The following MEIS2 variants were observed in gnomAD, a reference collection of about 807,000 sequenced individuals.
MEIS2 encodes the protein Meis homeobox 2, also known as homeobox protein Meis2.
In MEIS2, 9 loss-of-function variants were observed where a neutral mutation model predicts 58.6. The observed-to-expected ratio is 0.15, with a 90% CI of 0.09 to 0.27. MEIS2 has a LOEUF of 0.27. MEIS2 is among the 10% of genes least tolerant of loss of function. MEIS2 has a pLI of 1.00. For synonymous variants in MEIS2, 221 were observed against 228.4 expected, an observed-to-expected ratio of 0.97 and a Z score of 0.29; for missense variants, 427 against 635.0, an observed-to-expected ratio of 0.67 and a Z score of 3.52.
At chr15:37,029,207 T>C (rs2061819536) in intron 8 of MEIS2, among the ~76,000 whole-genome samples, 1 of 152,150 alleles carries the variant, frequency 6.6e-6, no homozygotes, top group Non-Finnish European at 1.5e-5. Context: ...TGTGGGAAGC[T>C]CTCTCTGCTG....
intron 6 of MEIS2, among the ~76,000 whole-genome samples, chr15:37,087,715 GA>G (rs1179811804): frequency 6.6e-6 from 1 of 152,096 alleles, no homozygotes; most frequent in African/African-American, 2.4e-5. Flanking sequence ...CTCTCTTGTT[GA>G]AGTTGCAGAT....
chr15:36,987,390 G>A (rs563541463), intron 8 of MEIS2, among the ~76,000 whole-genome samples: 1 of 140,212 alleles, frequency 7.1e-6, no homozygotes, highest in African/African-American at 2.6e-5. Context: ...TGTGGGCAAC[G>A]GAGCAAGACC....
chr15:36,906,937 G>A (rs896832023), intron 9 of MEIS2, among the ~76,000 whole-genome samples: 4 of 152,026 alleles, frequency 2.6e-5, no homozygotes, highest in Non-Finnish European at 5.9e-5. Flanking sequence ...GGACCAATTC[G>A]CTTTTTCTTT....
At chr15:37,093,200 C>T (rs1893760270) in intron 6 of MEIS2, among the ~76,000 whole-genome samples, 1 of 152,306 alleles carries the variant, frequency 6.6e-6, no homozygotes, top group East Asian at 1.9e-4. Context: ...CCAGACCAGT[C>T]CAGCTAACTG....
intron 8 of MEIS2, among the ~76,000 whole-genome samples, chr15:36,962,258 G>C (rs1030215113): frequency 3.9e-5 from 6 of 152,184 alleles, no homozygotes; most frequent in Admixed American, 6.5e-5. Flanking sequence ...AGCATAATGT[G>C]AATGGCATTC....
intron 8 of MEIS2, among the ~76,000 whole-genome samples, chr15:37,032,591 C>T (rs1011976112): frequency 6.6e-6 from 1 of 152,160 alleles, no homozygotes; most frequent in Non-Finnish European, 1.5e-5. Flanking sequence ...AAGGCACACA[C>T]ATTTCCAAGA....
chr15:36,908,964 A>AC (rs1567037588), intron 9 of MEIS2, among the ~76,000 whole-genome samples: 1 of 152,122 alleles, frequency 6.6e-6, no homozygotes, highest in African/African-American at 2.4e-5. Flanking sequence ...AATAATAACA[A>AC]AACAACAACA....
chr15:37,030,584 C>T (rs1009930364), intron 8 of MEIS2, among the ~76,000 whole-genome samples: 15 of 151,818 alleles, frequency 9.9e-5, no homozygotes, highest in Non-Finnish European at 1.9e-4. Context: ...CAATCCACCC[C>T]CCTTGGCCTC....
At chr15:36,984,324 ACTT>A (rs924012221) in intron 8 of MEIS2, among the ~76,000 whole-genome samples, 17 of 151,728 alleles carry the variant, frequency 1.1e-4, no homozygotes, top group African/African-American at 3.9e-4. Flanking sequence ...TCCTTCAAAT[ACTT>A]CTTCTTTATC....
intron 8 of MEIS2, among the ~76,000 whole-genome samples, chr15:36,992,476 T>C (rs754823195): frequency 1.1e-4 from 17 of 152,308 alleles, no homozygotes; most frequent in Middle Eastern, 6.8e-3. Context: ...GTGATATAAA[T>C]TGTTGAAAGA....
intron 8 of MEIS2, among the ~76,000 whole-genome samples, chr15:36,985,646 T>C (rs2060070687): frequency 6.6e-6 from 1 of 152,204 alleles, no homozygotes; most frequent in Non-Finnish European, 1.5e-5. Flanking sequence ...AAGGATTGTA[T>C]TTATTAGAAT....
chr15:37,016,815 C>T (rs2061364852), intron 8 of MEIS2, among the ~76,000 whole-genome samples: 1 of 152,102 alleles, frequency 6.6e-6, no homozygotes, highest in Non-Finnish European at 1.5e-5. Flanking sequence ...AGATGGATTT[C>T]CACCCCCTCA....
intron 2 of MEIS2, among the ~76,000 whole-genome samples, chr15:37,097,698 C>T: frequency 6.6e-6 from 1 of 152,180 alleles, no homozygotes; most frequent in East Asian, 1.9e-4. Flanking sequence ...GGAGAAGGCC[C>T]CGGCAAGATT....
intron 7 of MEIS2, among the ~76,000 whole-genome samples, chr15:37,077,642 C>T (rs1272678864): frequency 6.6e-6 from 1 of 151,964 alleles, no homozygotes; most frequent in Non-Finnish European, 1.5e-5. Context: ...TTTGCACAAC[C>T]TGTTCATGAT....
Position 36,891,952 on chromosome 15 carries a change from T to G in MEIS2, c.*221A>C, listed in dbSNP as rs567227998. On this transcript the variant is annotated 3_prime_UTR_variant, in exon 12 of 12. Coordinates refer to ENST00000561208, the MANE Select transcript of MEIS2 (RefSeq NM_170675.5). ...GTAGTTATAACTCTCGGAGTCTTTTTCCAGAGGATCTTTACATGGACAGAA... is the reference window on the plus strand; with the variant it reads ...GTAGTTATAACTCTCGGAGTCTTTTGCCAGAGGATCTTTACATGGACAGAA... 1.7e-6 allele frequency: 1 copy of G among 592,182 alleles called. No homozygotes were observed. Among genetic ancestry groups the G allele is most frequent in the Non-Finnish European group, 3.0e-6 (1 of 336,508 alleles). The allele number at this position is 592,182 out of a possible 1,614,324, so 36.7% of individuals were successfully genotyped here.
At chr15:36,925,256 C>A (rs1274304184) in intron 9 of MEIS2, among the ~76,000 whole-genome samples, 3 of 152,182 alleles carry the variant, frequency 2.0e-5, no homozygotes, top group Non-Finnish European at 4.4e-5. Context: ...GCACTTGACT[C>A]CCAGCCTCAG....
chr15:37,069,255 T>G (rs1890360452), intron 7 of MEIS2, among the ~76,000 whole-genome samples: 1 of 152,160 alleles, frequency 6.6e-6, no homozygotes, highest in African/African-American at 2.4e-5. Context: ...AAATTCTGTT[T>G]CTACTCTCAG....
chr15:37,006,497 A>C (rs1429547949), intron 8 of MEIS2, among the ~76,000 whole-genome samples: 1 of 152,198 alleles, frequency 6.6e-6, no homozygotes, highest in Non-Finnish European at 1.5e-5. Context: ...TCTATAAACT[A>C]TATTGTTCAC....
intron 8 of MEIS2, among the ~76,000 whole-genome samples, chr15:37,011,616 T>C (rs2061159546): frequency 7.8e-6 from 1 of 128,314 alleles, no homozygotes; most frequent in Non-Finnish European, 1.6e-5. Flanking sequence ...GGTTTTTTTT[T>C]TTTTTTTTTT....
Sources: gnomAD v4.1 joint callset for allele counts (sites outside exome capture counted in the v4.1 genomes callset) on GRCh38, gnomAD v4.1.1 for gene constraint, MANE v1.5 for transcripts, NCBI Gene and HGNC (gene_info 2026-07-23, HGNC 2026-07-21) for gene names.